Variants in INTS4 observed in about 807,000 individuals in gnomAD.
INTS4 encodes the protein integrator complex subunit 4.
In INTS4, 70 loss-of-function variants were observed where a neutral mutation model predicts 119.5. The ratio of observed to expected loss-of-function variants is 0.59; its 90% CI spans 0.48 to 0.71. The LOEUF is 0.71. Among genes scored for constraint, INTS4 ranks in the 30% least tolerant of loss-of-function variants. The probability of loss-of-function intolerance (pLI) is 0.00; values close to 1 mark genes in which losing one functional copy is unlikely to be tolerated. For synonymous variants in INTS4, 316 were observed against 419.6 expected (o/e 0.75, Z 3.02); for missense variants, 867 against 1,173.2 (o/e 0.74, Z 3.81).
chr11:77,912,492 A>C (rs1953112309), intron 15 of INTS4, among the ~76,000 whole-genome samples: 1 of 152,252 alleles, frequency 6.6e-6, no homozygotes, highest in East Asian at 1.9e-4. Flanking sequence ...ACTATGTGTA[A>C]ACACATTTAC....
At chr11:77,910,005 C>G (rs543361122) in intron 15 of INTS4, among the ~76,000 whole-genome samples, 14 of 152,176 alleles carry the variant, frequency 9.2e-5, no homozygotes, top group South Asian at 4.2e-4. Flanking sequence ...GGACTGTAAA[C>G]TAGTTCAACC....
chr11:77,911,347 T>C lies in INTS4; in HGVS notation c.1923-3537A>G, dbSNP rs184008286. Reference sequence around the variant, plus strand: ...GTGAAGTGTGAGTTTGGTGGCCAGATGGTCTCTTCCTTTCGCTTCTCTGAT... The same window carrying C: ...GTGAAGTGTGAGTTTGGTGGCCAGACGGTCTCTTCCTTTCGCTTCTCTGAT... On this transcript the variant is annotated intron_variant, in intron 15 of 22. Coordinates refer to ENST00000534064, the MANE Select transcript of INTS4 (RefSeq NM_033547.4). Among the ~76,000 whole-genome samples the C allele has an allele frequency of 4.6e-3, 697 of 152,318 alleles. 4 individuals carry two copies. The highest frequency in any genetic ancestry group is 0.016 in the African/African-American group (665 of 41,572).
rs1375473942 is a variant in INTS4, at chr11:77,891,840, C to T, written c.2289G>A (p.Arg763=). The part of the protein sequence containing the change: ...KFLQEVDFFQ[R]YFIADLPHLQ... ...AGTGGGGCAAATCAGCGATGAAATACCTGGAGGAACAAACAGAAGCAACTG... is the reference window on the plus strand; with the variant it reads ...AGTGGGGCAAATCAGCGATGAAATATCTGGAGGAACAAACAGAAGCAACTG... The change falls in exon 20 of 23, where the codon AGG becomes AGA. Residue 763 remains arginine (R), a splice_region_variant and synonymous_variant. Transcript: ENST00000534064. 1.2e-6 allele frequency: 2 copies of T among 1,610,840 alleles called. No homozygotes were observed. The highest frequency in any genetic ancestry group is 1.7e-5 in the Admixed American group (1 of 59,962).
In INTS4 at chr11:77,991,254, T is replaced by C; in HGVS notation, c.100A>G (p.Ser34Gly). Residue 34 changes from serine (S) to glycine (G), a missense_variant, in exon 2 of 23, where the codon AGT becomes GGT. Ser to Gly is a moderately conservative substitution (Grantham distance 56, BLOSUM62 0). Coordinates refer to ENST00000534064, the MANE Select transcript of INTS4 (RefSeq NM_033547.4). ...TCTATGTGGAGTGCTGCAGATTTAC[T>C]TGGTTTTGTTAGTCGGAGTTTCTTA... ...ATKKLRLTKP[S>G]KSAALHIDLC... is the part of the protein sequence containing the mutation. 2 of 1,614,030 alleles carry C rather than the reference T, an allele frequency of 1.2e-6. No homozygotes were observed. Among genetic ancestry groups the C allele is most frequent in the Non-Finnish European group, 1.7e-6 (2 of 1,179,886 alleles).
chr11:77,980,373 ATTTTT>A (rs139050426), intron 3 of INTS4, among the ~76,000 whole-genome samples: 20,593 of 151,876 alleles, frequency 0.14, 1,550 homozygotes, highest in East Asian at 0.25. Context: ...GCTTGTATTT[ATTTTT>A]TTATTTTAAT....
intron 7 of INTS4, among the ~76,000 whole-genome samples, chr11:77,958,072 G>A (rs1248318985): frequency 6.6e-6 from 1 of 152,030 alleles, no homozygotes; most frequent in African/African-American, 2.4e-5. Flanking sequence ...TTCTTTGTAT[G>A]TGTCTAAGTC....
rs202047343 is a variant in INTS4 at position 77,894,300 on chromosome 11, A to G, written c.2278T>C (p.Phe760Leu). The G allele has an allele frequency of 1.8e-4, 271 of 1,542,888 alleles. No individual in the cohort carries two copies. Among genetic ancestry groups the G allele is most frequent in the Admixed American group, 4.0e-4 (23 of 57,330 alleles). Reference sequence around the variant, plus strand: ...TTATAAAATACTTACCTCTGAAAAAAGTCTACTTCCTGTAAAAATTTTTCA... The same window carrying G: ...TTATAAAATACTTACCTCTGAAAAAGGTCTACTTCCTGTAAAAATTTTTCA... ...MCEKFLQEVDFFQRYFIADLP... is the reference protein window; with the variant it reads ...MCEKFLQEVDLFQRYFIADLP... The change falls in exon 19 of 23, where the codon TTT becomes CTT. Residue 760 changes from phenylalanine to leucine, a missense_variant. Phe to Leu is a conservative substitution (Grantham distance 22). This residue lies in a region of INTS4 where 262 missense variants were observed against 376.0 expected (regional missense o/e 0.70). Transcript: ENST00000534064.
intron 16 of INTS4, among the ~76,000 whole-genome samples, chr11:77,907,295 A>C (rs1156329279): frequency 6.6e-6 from 1 of 152,138 alleles, no homozygotes; most frequent in Non-Finnish European, 1.5e-5. Context: ...GCTGGTCTCA[A>C]ACTCTTGAGC....
rs563792710 is a variant in INTS4 at position 77,989,381 on chromosome 11, G to A, written c.246+1727C>T. 3.3e-5 allele frequency among the ~76,000 whole-genome samples: 5 copies of A among 152,086 alleles called. No homozygotes were observed. In the South Asian group the frequency reaches 1.0e-3, roughly 32 times the overall value. ...GCACTCCTGTAGTCCCAGCTACTTG[G>A]GAGGCTGAGGCAGGAGAACTGCTTG... is the stretch of plus-strand genomic sequence containing the variant. On this transcript the variant is annotated intron_variant, in intron 2 of 22. Coordinates refer to ENST00000534064, the MANE Select transcript of INTS4 (RefSeq NM_033547.4).
At chr11:77,915,768 A>G (rs1375870730) in intron 15 of INTS4, among the ~76,000 whole-genome samples, 1 of 152,168 alleles carries the variant, frequency 6.6e-6, no homozygotes, top group Non-Finnish European at 1.5e-5. Flanking sequence ...ATCTTCCTAG[A>G]CTACATAAGC....
At position 77,903,604 on chromosome 11, in the gene INTS4, A is replaced by C; in HGVS notation, c.2033T>G (p.Leu678Trp). The change falls in exon 17 of 23, where the codon TTG becomes TGG. Residue 678 changes from leucine to tryptophan, a missense_variant. Physicochemically the swap from Leu to Trp is moderately conservative, Grantham distance 61. Around this residue, in one of 5 missense-constraint regions of INTS4, gnomAD observed 262 missense variants for 376.0 expected, o/e 0.70. Transcript: ENST00000534064. ...ATACAAAGGGGCAGCTACATTCCAC[A>C]ACTTTTCCTGCAAGGCCTACGCAGA... ...LLLIKALQEK[L>W]WNVAAPLYLK... is the part of the protein sequence containing the mutation. 2 of 1,613,768 alleles carry C rather than the reference A, an allele frequency of 1.2e-6. No homozygotes were observed. The highest frequency in any genetic ancestry group is 1.1e-5 in the South Asian group (1 of 91,028).
At chr11:77,880,062 A>G (rs1034274968) in intron 22 of INTS4, among the ~76,000 whole-genome samples, 2 of 152,214 alleles carry the variant, frequency 1.3e-5, no homozygotes, top group African/African-American at 4.8e-5. Flanking sequence ...TATAAAGAAG[A>G]GGGAGAGAAT....
At chr11:77,936,154 A>AAGGATGGAATATATAC (rs536014859) in intron 10 of INTS4, among the ~76,000 whole-genome samples, 3 of 150,934 alleles carry the variant, frequency 2.0e-5, no homozygotes, top group South Asian at 2.1e-4. Flanking sequence ...TGAAAAGACA[A>AAGGATGGAATATATAC]AGGATGGAAT....
At chr11:77,982,469 T>C (rs1038927099) in intron 2 of INTS4, among the ~76,000 whole-genome samples, 7 of 152,250 alleles carry the variant, frequency 4.6e-5, no homozygotes, top group Admixed American at 3.3e-4. Context: ...CAGATCCTGA[T>C]TAGAAGTCTG....
At chr11:77,981,615 A>C in intron 2 of INTS4, 39 bp from the exon 3 acceptor site, 1 of 1,029,606 alleles carries the variant, frequency 9.7e-7, no homozygotes. Context: ...GATGCTTTAC[A>C]CTTAGCTAAC....
At chr11:77,959,191 C>T (rs1823507) in intron 6 of INTS4, among the ~76,000 whole-genome samples, 29,274 of 152,126 alleles carry the variant, frequency 0.19, 2,861 homozygotes, top group Middle Eastern at 0.23. Context: ...AAAGCACACA[C>T]TTCTGTTTAC....
intron 4 of INTS4, among the ~76,000 whole-genome samples, chr11:77,970,910 C>T (rs921716623): frequency 4.6e-5 from 7 of 152,174 alleles, no homozygotes; most frequent in African/African-American, 1.4e-4. Context: ...CTCCCAGGTT[C>T]GAGCCTCATG....
At position 77,924,811 on chromosome 11, in the gene INTS4, C is replaced by T. The variant is rs1466747623; in HGVS notation, c.1453G>A (p.Ala485Thr). Residue 485 changes from alanine to threonine, a missense_variant, in exon 12 of 23, where the codon GCA becomes ACA. Physicochemically the swap from Ala to Thr is moderately conservative, Grantham distance 58 (BLOSUM62 0). Transcript: ENST00000534064. ...NVSTKEGIHLALVELLKNLTK... is the reference protein window; with the variant it reads ...NVSTKEGIHLTLVELLKNLTK... ...AAATTTTTCAGCAGCTCCACCAATG[C>T]AAGATGAATCCCTTCTTTGGTTGAA... The T allele has an allele frequency of 6.3e-6, 10 of 1,593,916 alleles. No individual in the cohort carries two copies. In the South Asian group the frequency reaches 9.9e-5, roughly 16 times the overall value.
downstream of INTS4, among the ~76,000 whole-genome samples, chr11:77,877,315 A>G (rs1415102203): frequency 2.0e-5 from 3 of 152,224 alleles, no homozygotes; most frequent in Non-Finnish European, 4.4e-5. Flanking sequence ...ACCTTAAACC[A>G]AAAGTTAAAA....
Sources: allele counts gnomAD v4.1 joint callset (sites outside exome capture counted in the v4.1 genomes callset), GRCh38; gene constraint gnomAD v4.1.1; regional missense constraint gnomAD v4.1.1; transcripts MANE v1.5; gene names NCBI Gene and HGNC (gene_info 2026-07-23, HGNC 2026-07-21).